ASXL3: variants seen among roughly 807,000 people sequenced by gnomAD.
ASXL3 encodes putative Polycomb group protein ASXL3.
ASXL3 carries 34 observed loss-of-function variants against 170.6 expected under a neutral mutation model. The observed-to-expected ratio is 0.20, with a 90% CI of 0.15 to 0.27. The LOEUF (loss-of-function observed/expected upper bound fraction) is 0.27. ASXL3 is among the 10% of genes least tolerant of loss of function. ASXL3 has a pLI of 1.00. For synonymous variants in ASXL3, 1,002 were observed against 989.1 expected (o/e 1.01, Z -0.24); for missense variants, 2,592 against 2,695.3 (o/e 0.96, Z 0.85).
chr18:33,683,603 C>T (rs1260209829), intron 8 of ASXL3, 35 bp downstream of exon 8: 1 of 1,570,648 alleles, frequency 6.4e-7, no homozygotes, highest in South Asian at 1.2e-5. Context: ...ATACCAGCCA[C>T]TAGTTATATT....
At chr18:33,599,708 G>C (rs2065164590) in intron 1 of ASXL3, among the ~76,000 whole-genome samples, 1 of 152,084 alleles carries the variant, frequency 6.6e-6, no homozygotes, top group Non-Finnish European at 1.5e-5. Context: ...GGAGATTTCT[G>C]GGATGAGTTT....
chr18:33,587,670 A>G (rs1318814094), intron 1 of ASXL3, among the ~76,000 whole-genome samples: 1 of 152,118 alleles, frequency 6.6e-6, no homozygotes, highest in Non-Finnish European at 1.5e-5. Flanking sequence ...AATCCTTACT[A>G]TCCTCAAAAA....
At chr18:33,665,418 A>G (rs2066241844) in intron 5 of ASXL3, among the ~76,000 whole-genome samples, 1 of 152,232 alleles carries the variant, frequency 6.6e-6, no homozygotes, top group African/African-American at 2.4e-5. Context: ...ATTGACATTT[A>G]TCACACTAGC....
chr18:33,698,960 A>T (rs183550513), intron 8 of ASXL3, among the ~76,000 whole-genome samples: 2 of 152,154 alleles, frequency 1.3e-5, no homozygotes, highest in African/African-American at 4.8e-5. Context: ...TGCTATAGGG[A>T]AAGTTGCTTC....
chr18:33,627,701 A>G (rs2065622568), intron 2 of ASXL3, among the ~76,000 whole-genome samples: 3 of 152,130 alleles, frequency 2.0e-5, no homozygotes, highest in Admixed American at 1.3e-4. Flanking sequence ...CTTTCCTAAG[A>G]ATCAAATTGG....
chr18:33,619,484 T>C (rs2065477189), intron 2 of ASXL3, among the ~76,000 whole-genome samples: 1 of 151,996 alleles, frequency 6.6e-6, no homozygotes, highest in Non-Finnish European at 1.5e-5. Flanking sequence ...CCACTTACAT[T>C]TGGAGGATGC....
intron 2 of ASXL3, among the ~76,000 whole-genome samples, chr18:33,627,489 ATATATCCAGAGCCTTT>A (rs546838831): frequency 3.9e-4 from 59 of 152,268 alleles, no homozygotes; most frequent in Admixed American, 9.2e-4. Flanking sequence ...CCTTTCTTGT[ATATATCCAGAGCCTTT>A]TTCCCTGTGA....
chr18:33,723,113 T>A (rs1034836975), intron 8 of ASXL3, among the ~76,000 whole-genome samples: 3 of 152,146 alleles, frequency 2.0e-5, no homozygotes, highest in Non-Finnish European at 4.4e-5. Flanking sequence ...CTGACAGAGA[T>A]GTAAAAAGAG....
chr18:33,658,375 A>G (rs1404893769), intron 4 of ASXL3, among the ~76,000 whole-genome samples: 2 of 152,166 alleles, frequency 1.3e-5, no homozygotes, highest in African/African-American at 2.4e-5. Flanking sequence ...GAACCTGCAC[A>G]GCCAACTGTA....
intron 1 of ASXL3, among the ~76,000 whole-genome samples, chr18:33,599,661 C>A (rs983828600): frequency 1.3e-5 from 2 of 152,140 alleles, no homozygotes; most frequent in African/African-American, 4.8e-5. Context: ...TCCTTTTTTG[C>A]AGCAGGTTTT....
intron 1 of ASXL3, among the ~76,000 whole-genome samples, chr18:33,592,062 AC>A (rs2145099112): frequency 6.6e-6 from 1 of 152,142 alleles, no homozygotes; most frequent in South Asian, 2.1e-4. Context: ...AGGGGAGTCT[AC>A]CCTCTCCTAT....
At chr18:33,610,273 G>A (rs145834076) in intron 2 of ASXL3, among the ~76,000 whole-genome samples, 1 of 151,888 alleles carries the variant, frequency 6.6e-6, no homozygotes, top group African/African-American at 2.4e-5. Flanking sequence ...TGATTTCTAG[G>A]TATTTACTAA....
rs185650288 is a variant in ASXL3 at position 33,594,084 on chromosome 18, G to A, written c.55-13510G>A. On this transcript the variant is annotated intron_variant, in intron 1 of 11. Transcript: ENST00000269197. ...TAACAACACTCTCAAAACTTTTTCT[G>A]TAGATAGCTTGCATTGAGAAGACGG... Among the ~76,000 whole-genome samples the A allele has an allele frequency of 1.9e-4, 29 of 152,242 alleles. 1 individual carries two copies. In the Middle Eastern group the frequency reaches 0.017, roughly 89 times the overall value.
In ASXL3 at chr18:33,744,036, C is replaced by A. The variant is rs1328244883; in HGVS notation, c.4188C>A (p.Ser1396Arg). ...SMGTTVRAALSCSDSVAVTDS... is the reference protein window; with the variant it reads ...SMGTTVRAALRCSDSVAVTDS... ...GTACCACTGTGAGAGCAGCCCTCAG[C>A]TGCAGTGATTCTGTAGCGGTCACAG... The change falls in exon 12 of 12, where the codon AGC (serine) becomes AGA (arginine). Residue 1396 changes from serine to arginine, a missense_variant. Around this residue, in one of 4 missense-constraint regions of ASXL3, gnomAD observed 2,246 missense variants for 2,219.6 expected, o/e 1.01. Coordinates refer to ENST00000269197, the MANE Select transcript of ASXL3 (RefSeq NM_030632.3). The A allele has an allele frequency of 1.9e-6, 3 of 1,613,934 alleles. No homozygotes were observed. The highest frequency in any genetic ancestry group is 2.5e-6 in the Non-Finnish European group (3 of 1,179,918).
At chr18:33,699,116 A>C (rs1443154216) in intron 8 of ASXL3, among the ~76,000 whole-genome samples, 2 of 152,188 alleles carry the variant, frequency 1.3e-5, no homozygotes, top group African/African-American at 4.8e-5. Flanking sequence ...AGAGAGACAC[A>C]GAGAGGGAGA....
At chr18:33,629,106 C>T (rs186205157) in intron 2 of ASXL3, among the ~76,000 whole-genome samples, 7 of 152,206 alleles carry the variant, frequency 4.6e-5, no homozygotes, top group South Asian at 4.1e-4. Flanking sequence ...TCCCCCCACA[C>T]GCCAAAAGAA....
chr18:33,600,072 A>G (rs558280298), intron 1 of ASXL3, among the ~76,000 whole-genome samples: 6 of 152,280 alleles, frequency 3.9e-5, no homozygotes, highest in Admixed American at 6.5e-5. Context: ...TCTTAAATGT[A>G]TTTTAAAAGT....
At chr18:33,671,652 G>A in intron 6 of ASXL3, 95 bp from the exon 7 acceptor site, 1 of 1,120,828 alleles carries the variant, frequency 8.9e-7, no homozygotes, top group East Asian at 2.7e-5. Flanking sequence ...CTCTAGAAAA[G>A]GAGATTATAT....
At chr18:33,634,328 T>C (rs1323395448) in intron 2 of ASXL3, among the ~76,000 whole-genome samples, 1 of 151,276 alleles carries the variant, frequency 6.6e-6, no homozygotes, top group Non-Finnish European at 1.5e-5. Context: ...CATAGTTGCT[T>C]CTTTTTTTTT....
Sources: gnomAD v4.1 joint callset for allele counts (sites outside exome capture counted in the v4.1 genomes callset) on GRCh38, gnomAD v4.1.1 for gene constraint, gnomAD v4.1.1 regional missense constraint, MANE v1.5 for transcripts, NCBI Gene and HGNC (gene_info 2026-07-23, HGNC 2026-07-21) for gene names.